VGLL3: variants seen among roughly 807,000 people sequenced by gnomAD.
VGLL3 encodes vestigial like family member 3.
Under a neutral mutation model 29.2 loss-of-function variants are expected in VGLL3, and 18 were observed. The observed-to-expected ratio is 0.62, with a 90% CI of 0.43 to 0.91. The LOEUF (loss-of-function observed/expected upper bound fraction) is 0.91. Ranked by LOEUF, VGLL3 falls within the 40% of genes least tolerant of loss-of-function variation. The pLI, the probability that VGLL3 is intolerant of heterozygous loss-of-function variation, is 0.00. For missense variants in VGLL3, 440 were observed against 413.2 expected, an observed-to-expected ratio of 1.06 and a Z score of -0.56; for synonymous variants, 180 against 151.8, an observed-to-expected ratio of 1.19 and a Z score of -1.36.
chr3:86,970,787 C>A (rs1705083251), intron 2 of VGLL3, among the ~76,000 whole-genome samples: 1 of 152,114 alleles, frequency 6.6e-6, no homozygotes. Context: ...ACTAAACAAG[C>A]ACTGGGCTGG....
At chr3:86,978,505 C>G in intron 2 of VGLL3, 21 bp downstream of exon 2, 1 of 1,610,682 alleles carries the variant, frequency 6.2e-7, no homozygotes, top group Non-Finnish European at 8.5e-7. Flanking sequence ...CCCTGGAGAA[C>G]ATCTGCTTTT....
chr3:86,974,797 G>A (rs1165494501), intron 2 of VGLL3, among the ~76,000 whole-genome samples: 2 of 152,046 alleles, frequency 1.3e-5, no homozygotes, highest in African/African-American at 2.4e-5. Context: ...TCCTTTCTAA[G>A]CATCATTGCC....
At chr3:86,982,011 A>C (rs1433157716) in intron 1 of VGLL3, among the ~76,000 whole-genome samples, 1 of 152,184 alleles carries the variant, frequency 6.6e-6, no homozygotes, top group Non-Finnish European at 1.5e-5. Flanking sequence ...GAAAACAGAA[A>C]TACAGCATTT....
chr3:86,940,452 C>T lies in VGLL3; in HGVS notation c.*6572G>A, dbSNP rs1274474176. On this transcript the variant is annotated 3_prime_UTR_variant, in exon 4 of 4. Transcript: ENST00000398399. The stretch of plus-strand genomic sequence containing the variant: ...ATAAACATGTATTTTATAATCTATT[C>T]CTTGCTGTAACATATAGACTTCTTG... The T allele has an allele frequency of 6.6e-6, 1 of 152,430 alleles. No homozygotes were observed. The highest frequency in any genetic ancestry group is 1.5e-5 in the Non-Finnish European group (1 of 67,966). 9.4% of individuals were successfully genotyped at this position (152,430 alleles called of 1,614,324 possible). A position where few individuals can be genotyped will look rare whatever the true frequency, so the allele number is the denominator to read the frequency against.
At chr3:86,985,617 G>A (rs988970958) in intron 1 of VGLL3, among the ~76,000 whole-genome samples, 25 of 152,172 alleles carry the variant, frequency 1.6e-4, no homozygotes, top group African/African-American at 6.0e-4. Context: ...GTTCAAGGCA[G>A]TCTTAGGTCT....
intron 1 of VGLL3, among the ~76,000 whole-genome samples, chr3:86,987,872 T>G (rs1209895997): frequency 6.6e-6 from 1 of 152,194 alleles, no homozygotes; most frequent in Non-Finnish European, 1.5e-5. Context: ...CAACATGCAA[T>G]ATGTTCAACA....
chr3:86,952,731 TTAA>T (rs1295191749), intron 3 of VGLL3, among the ~76,000 whole-genome samples: 6 of 152,140 alleles, frequency 3.9e-5, no homozygotes, highest in Non-Finnish European at 8.8e-5. Context: ...CATCCATCCT[TTAA>T]TAAAGATAAG....
intron 3 of VGLL3, among the ~76,000 whole-genome samples, chr3:86,965,789 A>T (rs1704945361): frequency 6.6e-6 from 1 of 152,152 alleles, no homozygotes. Context: ...CAGGCAGAAC[A>T]GTTATGAAGA....
chr3:86,990,636 C>A lies in VGLL3; in HGVS notation c.108G>T (p.Ala36=). The A allele has an allele frequency of 7.3e-7, 1 of 1,367,206 alleles. No homozygotes were observed. Among genetic ancestry groups the A allele is most frequent in the Non-Finnish European group, 9.5e-7 (1 of 1,051,824 alleles). The allele number at this position is 1,367,206 out of a possible 1,614,324, so 84.7% of individuals were successfully genotyped here. A position where few individuals can be genotyped will look rare whatever the true frequency, so the allele number is the denominator to read the frequency against. ...TTCPTAYYQP[A]PQPGQQKKLA... is the part of the protein sequence containing the mutation. ...GACTCACCTGCTGGCCAGGTTGGGG[C>A]GCCGGCTGATAGTAGGCTGTGGGGC... is the stretch of plus-strand genomic sequence containing the variant. The change falls in exon 1 of 4, where the codon GCG becomes GCT. Residue 36 remains alanine, a synonymous_variant. Transcript: ENST00000398399.
intron 2 of VGLL3, among the ~76,000 whole-genome samples, 167 bp downstream of exon 2, chr3:86,978,359 G>A (rs958461390): frequency 1.3e-5 from 2 of 152,136 alleles, no homozygotes; most frequent in African/African-American, 4.8e-5. Flanking sequence ...TTCCACATGT[G>A]ACAAAACCGA....
At chr3:86,968,127 C>A (rs139449297) in intron 3 of VGLL3, among the ~76,000 whole-genome samples, 1 of 152,000 alleles carries the variant, frequency 6.6e-6, no homozygotes, top group East Asian at 1.9e-4. Flanking sequence ...TTCCCTAATT[C>A]TTGTTCAAAA....
intron 2 of VGLL3, among the ~76,000 whole-genome samples, chr3:86,978,115 G>A (rs1391721181): frequency 6.6e-6 from 1 of 152,114 alleles, no homozygotes; most frequent in Non-Finnish European, 1.5e-5. Flanking sequence ...TGTATTCCTG[G>A]GTCAGACTCA....
intron 1 of VGLL3, among the ~76,000 whole-genome samples, chr3:86,987,141 T>C (rs529394416): frequency 6.0e-4 from 92 of 152,286 alleles, no homozygotes; most frequent in Non-Finnish European, 1.2e-3. Context: ...CTTTGAAATC[T>C]TTAGCTAGGC....
chr3:86,955,147 A>ATAGG (rs1457615486), intron 3 of VGLL3, among the ~76,000 whole-genome samples: 5 of 152,176 alleles, frequency 3.3e-5, no homozygotes, highest in African/African-American at 9.7e-5. Context: ...TAACACCAAC[A>ATAGG]TAGGAAACAT....
chr3:86,984,670 A>G (rs1016008793), intron 1 of VGLL3, among the ~76,000 whole-genome samples: 1 of 152,176 alleles, frequency 6.6e-6, no homozygotes, highest in Non-Finnish European at 1.5e-5. Flanking sequence ...AAGGTAATTT[A>G]TCCATTATTC....
Position 86,944,226 on chromosome 3 carries a change from A to G in VGLL3, c.*2798T>C, listed in dbSNP as rs1704459306. On this transcript the variant is annotated 3_prime_UTR_variant, in exon 4 of 4. Transcript: ENST00000398399. Reference sequence around the variant, plus strand: ...ACTCCCTGGGTGGCAGTGTACCCCAAACACCTAGGTCCTGTTTTCTTTTTC... The same window carrying G: ...ACTCCCTGGGTGGCAGTGTACCCCAGACACCTAGGTCCTGTTTTCTTTTTC... The G allele has an allele frequency of 6.6e-6, 1 of 152,186 alleles. No homozygotes were observed. Among genetic ancestry groups the G allele is most frequent in the African/African-American group, 2.4e-5 (1 of 41,420 alleles). The allele number at this position is 152,186 out of a possible 1,614,324, so 9.4% of individuals were successfully genotyped here.
intron 1 of VGLL3, 30 bp downstream of exon 1, chr3:86,990,588 C>G (rs1473489042): frequency 7.6e-7 from 1 of 1,321,174 alleles, no homozygotes; most frequent in East Asian, 2.8e-5. Flanking sequence ...TCGCCCCCGC[C>G]CCCAGCAGGC....
In VGLL3 at chr3:86,938,888, C is replaced by G. The variant is rs941318069; in HGVS notation, c.*8136G>C. 1 of 152,074 alleles carries G rather than the reference C, an allele frequency of 6.6e-6. No homozygotes were observed. The highest frequency in any genetic ancestry group is 1.5e-5 in the Non-Finnish European group (1 of 68,020). The allele number at this position is 152,074 out of a possible 1,614,324, so 9.4% of individuals were successfully genotyped here. A position where few individuals can be genotyped will look rare whatever the true frequency, so the allele number is the denominator to read the frequency against. ...TAAGATGCTTGGAGACTTAGGACATCGCAAGATGGGTCTAAGTTCCCAAAA... is the reference window on the plus strand; with the variant it reads ...TAAGATGCTTGGAGACTTAGGACATGGCAAGATGGGTCTAAGTTCCCAAAA... On this transcript the variant is annotated 3_prime_UTR_variant, in exon 4 of 4. Transcript: ENST00000398399.
intron 3 of VGLL3, among the ~76,000 whole-genome samples, chr3:86,952,154 AG>A (rs1293504947): frequency 6.6e-6 from 1 of 152,206 alleles, no homozygotes; most frequent in Non-Finnish European, 1.5e-5. Context: ...AAAGAATCTG[AG>A]AAGACCTTTC....
Sources: allele counts gnomAD v4.1 joint callset (sites outside exome capture counted in the v4.1 genomes callset), GRCh38; gene constraint gnomAD v4.1.1; transcripts MANE v1.5; gene names NCBI Gene and HGNC (gene_info 2026-07-23, HGNC 2026-07-21).